BLM: variants seen among roughly 807,000 people sequenced by gnomAD.
The protein encoded by BLM is recQ-like DNA helicase BLM.
In BLM, 95 loss-of-function variants were observed where a neutral mutation model predicts 135.3. The ratio of observed to expected loss-of-function variants is 0.70; its 90% CI spans 0.59 to 0.83. BLM has a LOEUF of 0.83. Among genes scored for constraint, BLM ranks in the 40% least tolerant of loss-of-function variants. BLM has a pLI of 0.00. For missense variants in BLM, 1,518 were observed against 1,663.9 expected, an observed-to-expected ratio of 0.91 and a Z score of 1.53; for synonymous variants, 520 against 589.2, an observed-to-expected ratio of 0.88 and a Z score of 1.70.
chr15:90,719,385 T>C (rs1419964782), intron 1 of BLM, among the ~76,000 whole-genome samples: 1 of 152,174 alleles, frequency 6.6e-6, no homozygotes, highest in Non-Finnish European at 1.5e-5. Context: ...GCGAATCACC[T>C]GAGGCCAGGA....
chr15:90,730,279 T>A (rs1895032160), intron 1 of BLM, among the ~76,000 whole-genome samples: 1 of 152,242 alleles, frequency 6.6e-6, no homozygotes, highest in South Asian at 2.1e-4. Flanking sequence ...GTTCATGATC[T>A]ACTGCTCTGG....
chr15:90,763,850 G>A (rs146266108), intron 8 of BLM, among the ~76,000 whole-genome samples: 1 of 152,318 alleles, frequency 6.6e-6, no homozygotes, highest in African/African-American at 2.4e-5. Context: ...ACAGGGCAGA[G>A]CGCAAGGAGA....
chr15:90,812,702 T>C (rs1395733665), intron 21 of BLM, among the ~76,000 whole-genome samples: 1 of 152,186 alleles, frequency 6.6e-6, no homozygotes, highest in Admixed American at 6.5e-5. Flanking sequence ...TTTTTCTACC[T>C]CTTGTCCTTC....
chr15:90,790,922 T>C, intron 15 of BLM, 78 bp downstream of exon 15: 2 of 1,401,072 alleles, frequency 1.4e-6, no homozygotes, highest in Non-Finnish European at 1.0e-6. Context: ...ATTGTGGTAC[T>C]TCTGGTCCAG....
chr15:90,808,987 A>C, intron 19 of BLM, 150 bp from the exon 20 acceptor site: 1 of 1,061,216 alleles, frequency 9.4e-7, no homozygotes, highest in Non-Finnish European at 1.4e-6. Context: ...TGAGGTGCTA[A>C]CTTTGCCTTT....
At chr15:90,756,394 C>A (rs554406458) in intron 5 of BLM, among the ~76,000 whole-genome samples, 1 of 152,176 alleles carries the variant, frequency 6.6e-6, no homozygotes, top group Non-Finnish European at 1.5e-5. Flanking sequence ...TGAGCCACCG[C>A]GCCTGGCCCA....
intron 17 of BLM, among the ~76,000 whole-genome samples, chr15:90,799,286 G>A (rs1408737484): frequency 2.6e-5 from 4 of 151,904 alleles, no homozygotes; most frequent in Non-Finnish European, 5.9e-5. Flanking sequence ...CCTTAGTATC[G>A]TCTTAAAGAG....
rs28384992 is a variant in BLM at position 90,752,121 on chromosome 15, T to C, written c.959+175T>C. On this transcript the variant is annotated intron_variant, in intron 4 of 21. Coordinates refer to ENST00000355112, the MANE Select transcript of BLM (RefSeq NM_000057.4). ...TTTATACATTTAATTGGTTGCATTCTAAAGATGAAGTCCCATTATGATTAA... is the reference window on the plus strand; with the variant it reads ...TTTATACATTTAATTGGTTGCATTCCAAAGATGAAGTCCCATTATGATTAA... 4.1e-3 allele frequency among the ~76,000 whole-genome samples: 621 copies of C among 152,114 alleles called. 3 individuals are homozygous for C. The highest frequency in any genetic ancestry group is 0.013 in the African/African-American group (545 of 41,540).
At chr15:90,744,466 G>A (rs1276027637) in intron 1 of BLM, among the ~76,000 whole-genome samples, 1 of 151,984 alleles carries the variant, frequency 6.6e-6, no homozygotes, top group Non-Finnish European at 1.5e-5. Context: ...TCTGCCTCCC[G>A]GGTTCAAGCA....
chr15:90,779,014 T>C (rs1385758384), intron 12 of BLM, among the ~76,000 whole-genome samples: 1 of 151,838 alleles, frequency 6.6e-6, no homozygotes, highest in Non-Finnish European at 1.5e-5. Context: ...GCTTCCTGAG[T>C]AGCTGAGACT....
At chr15:90,722,801 A>AT (rs1894803591) in intron 1 of BLM, among the ~76,000 whole-genome samples, 1 of 152,150 alleles carries the variant, frequency 6.6e-6, no homozygotes. Flanking sequence ...TATCTTTCTG[A>AT]TACCTCCTCC....
chr15:90,732,423 C>A (rs8030253), intron 1 of BLM, among the ~76,000 whole-genome samples: 56,921 of 151,416 alleles, frequency 0.38, 13,066 homozygotes, highest in African/African-American at 0.65. Flanking sequence ...TATTATAATT[C>A]TGATCACCAT....
At chr15:90,730,838 G>A (rs1895049239) in intron 1 of BLM, among the ~76,000 whole-genome samples, 2 of 152,064 alleles carry the variant, frequency 1.3e-5, no homozygotes, top group South Asian at 4.1e-4. Flanking sequence ...CGATATGGTT[G>A]TTCAGCTTTA....
chr15:90,778,364 G>C (rs946179485), intron 12 of BLM, among the ~76,000 whole-genome samples: 1 of 152,174 alleles, frequency 6.6e-6, no homozygotes, highest in Non-Finnish European at 1.5e-5. Context: ...TTTAGTAACA[G>C]CTTTGTTGCG....
At chr15:90,782,088 A>T (rs1167472200) in intron 12 of BLM, among the ~76,000 whole-genome samples, 1 of 152,094 alleles carries the variant, frequency 6.6e-6, no homozygotes, top group African/African-American at 2.4e-5. Flanking sequence ...ACAATATTCA[A>T]CTTAAGACTA....
Position 90,794,209 on chromosome 15 carries a change from A to T in BLM, c.3062A>T (p.Asn1021Ile), listed in dbSNP as rs369629509. The T allele has an allele frequency of 1.1e-5, 17 of 1,606,164 alleles. No individual in the cohort carries two copies. The Admixed American group carries it at 2.7e-4, about 25-fold the overall frequency. ...GNHHTRETHF[N>I]NLYSMVHYCE... Reference sequence around the variant, plus strand: ...CATCATACAAGAGAAACTCACTTCAATAATTTGTATAGCATGGTACATTAC... The same window carrying T: ...CATCATACAAGAGAAACTCACTTCATTAATTTGTATAGCATGGTACATTAC... The change falls in exon 16 of 22, where the codon AAT (asparagine) becomes ATT (isoleucine). Residue 1021 changes from asparagine (N) to isoleucine (I), a missense_variant. Asn to Ile is a moderately radical substitution (Grantham distance 149). Around this residue, in one of 5 missense-constraint regions of BLM, gnomAD observed 626 missense variants for 681.1 expected, o/e 0.92. Transcript: ENST00000355112.
At chr15:90,728,103 C>T (rs1208879607) in intron 1 of BLM, among the ~76,000 whole-genome samples, 2 of 151,868 alleles carry the variant, frequency 1.3e-5, no homozygotes, top group Non-Finnish European at 2.9e-5. Flanking sequence ...GTGGTGCAAT[C>T]ACAGCTTACT....
At chr15:90,788,471 G>GTTTTTTTTTT (rs35158343) in intron 14 of BLM, among the ~76,000 whole-genome samples, 27 of 95,008 alleles carry the variant, frequency 2.8e-4, no homozygotes, top group South Asian at 4.3e-4. Context: ...CCAGTGTTTT[G>GTTTTTTTTTT]TTTTTTTTTT....
intron 1 of BLM, among the ~76,000 whole-genome samples, chr15:90,719,991 C>T (rs1036798172): frequency 6.6e-6 from 1 of 152,308 alleles, no homozygotes; most frequent in African/African-American, 2.4e-5. Flanking sequence ...TTCTTCACAA[C>T]CTCAGTCCTG....
Sources: allele counts gnomAD v4.1 joint callset (sites outside exome capture counted in the v4.1 genomes callset), GRCh38; gene constraint gnomAD v4.1.1; regional missense constraint gnomAD v4.1.1; transcripts MANE v1.5; gene names NCBI Gene and HGNC (gene_info 2026-07-23, HGNC 2026-07-21).